PTPRK: variants seen among roughly 807,000 people sequenced by gnomAD.
The protein encoded by PTPRK is receptor-type tyrosine-protein phosphatase kappa.
PTPRK carries 75 observed loss-of-function variants against 178.0 expected under a neutral mutation model. The ratio of observed to expected loss-of-function variants is 0.42; its 90% CI spans 0.35 to 0.51. PTPRK has a LOEUF of 0.51. Ranked by LOEUF, PTPRK falls within the 20% of genes least tolerant of loss-of-function variation. The probability of loss-of-function intolerance (pLI) is 0.02; values close to 1 mark genes in which losing one functional copy is unlikely to be tolerated. For synonymous variants in PTPRK, 637 were observed against 620.6 expected, an observed-to-expected ratio of 1.03 and a Z score of -0.39; for missense variants, 1,441 against 1,797.8, an observed-to-expected ratio of 0.80 and a Z score of 3.59.
At chr6:128,104,048 A>C (rs9321111) in intron 7 of PTPRK, among the ~76,000 whole-genome samples, 16,805 of 152,158 alleles carry the variant, frequency 0.11, 2,331 homozygotes, top group East Asian at 0.36. Flanking sequence ...CTCTCTGCCT[A>C]GAATGTTATT....
At chr6:128,023,122 CA>C (rs1161932406) in intron 13 of PTPRK, among the ~76,000 whole-genome samples, 5 of 152,112 alleles carry the variant, frequency 3.3e-5, no homozygotes, top group Admixed American at 3.3e-4. Flanking sequence ...AGAGTCAAAC[CA>C]AAGGCTAAAA....
chr6:128,161,244 C>G (rs1447244948), intron 7 of PTPRK, among the ~76,000 whole-genome samples: 2 of 151,648 alleles, frequency 1.3e-5, no homozygotes, highest in African/African-American at 2.4e-5. Context: ...CTGTGGCTTT[C>G]TTGAATATAA....
At chr6:128,151,127 T>C (rs916881188) in intron 7 of PTPRK, among the ~76,000 whole-genome samples, 1 of 152,122 alleles carries the variant, frequency 6.6e-6, no homozygotes, top group Non-Finnish European at 1.5e-5. Context: ...CTTGAATTTC[T>C]AGATCTGTTG....
intron 1 of PTPRK, among the ~76,000 whole-genome samples, chr6:128,460,963 A>C (rs940475412): frequency 2.0e-5 from 3 of 152,218 alleles, no homozygotes; most frequent in African/African-American, 7.2e-5. Context: ...TATAAAAATA[A>C]TATTAACCTA....
At chr6:127,981,388 G>C in intron 24 of PTPRK, 99 bp from the exon 25 acceptor site, 1,428 of 939,744 alleles carry the variant, frequency 1.5e-3, no homozygotes, top group Non-Finnish European at 2.0e-3. Flanking sequence ...AGAAAGTGAA[G>C]GATTTGTGCG....
intron 1 of PTPRK, among the ~76,000 whole-genome samples, chr6:128,402,531 C>G (rs375569610): frequency 1.3e-5 from 2 of 152,120 alleles, no homozygotes; most frequent in Non-Finnish European, 2.9e-5. Flanking sequence ...GGATTACAGG[C>G]GTGAGCCACT....
intron 13 of PTPRK, chr6:128,063,331 A>C (rs979936920): frequency 6.6e-6 from 1 of 152,212 alleles, no homozygotes; most frequent in African/African-American, 2.4e-5. Context: ...TCATTTTTTT[A>C]AATTTGTATC....
intron 1 of PTPRK, among the ~76,000 whole-genome samples, chr6:128,450,141 A>C (rs922602905): frequency 6.6e-6 from 1 of 151,758 alleles, no homozygotes; most frequent in South Asian, 2.1e-4. Context: ...AAGAAGGAAA[A>C]GAAAAGAAAA....
intron 3 of PTPRK, among the ~76,000 whole-genome samples, chr6:128,263,175 G>A (rs1392994495): frequency 1.3e-5 from 2 of 152,140 alleles, no homozygotes; most frequent in African/African-American, 4.8e-5. Flanking sequence ...GAGGTGGCTG[G>A]CAACTGACTT....
chr6:128,079,002 T>C (rs1418128090), intron 10 of PTPRK, 84 bp from the exon 11 acceptor site: 5 of 842,454 alleles, frequency 5.9e-6, no homozygotes, highest in East Asian at 5.0e-5. Flanking sequence ...CAATCTTAAG[T>C]TAGGAAAAAA....
At chr6:128,255,926 G>A (rs946437475) in intron 3 of PTPRK, among the ~76,000 whole-genome samples, 1 of 152,296 alleles carries the variant, frequency 6.6e-6, no homozygotes, top group South Asian at 2.1e-4. Flanking sequence ...GAAAAAAACT[G>A]TAAGTAGATT....
chr6:128,098,897 C>T (rs1011880917), intron 7 of PTPRK, among the ~76,000 whole-genome samples: 2 of 151,724 alleles, frequency 1.3e-5, no homozygotes, highest in South Asian at 2.1e-4. Flanking sequence ...TTTTTGTCTT[C>T]GCTTGCTGTA....
chr6:127,979,939 G>A (rs1394267995), intron 25 of PTPRK, among the ~76,000 whole-genome samples: 1 of 152,160 alleles, frequency 6.6e-6, no homozygotes, highest in Non-Finnish European at 1.5e-5. Context: ...CTTTCCTTGG[G>A]AGGCCAAGGT....
intron 3 of PTPRK, among the ~76,000 whole-genome samples, chr6:128,298,058 G>A (rs1056679551): frequency 3.3e-5 from 5 of 151,658 alleles, no homozygotes; most frequent in African/African-American, 4.9e-5. Context: ...CCTCTTTATC[G>A]ATCCCACAGA....
At chr6:128,297,525 C>G (rs925746684) in intron 3 of PTPRK, among the ~76,000 whole-genome samples, 2 of 152,186 alleles carry the variant, frequency 1.3e-5, no homozygotes, top group Non-Finnish European at 1.5e-5. Context: ...AACAAACTGT[C>G]TCTCAGACCA....
chr6:128,452,865 T>C (rs1196391220), intron 1 of PTPRK, among the ~76,000 whole-genome samples: 2 of 152,136 alleles, frequency 1.3e-5, no homozygotes, highest in Non-Finnish European at 2.9e-5. Context: ...CTCCAACCTC[T>C]CTTAATTCCT....
At chr6:128,308,182 T>TA (rs1453822117) in intron 3 of PTPRK, among the ~76,000 whole-genome samples, 2 of 152,166 alleles carry the variant, frequency 1.3e-5, no homozygotes, top group East Asian at 3.9e-4. Flanking sequence ...ATACCATTTA[T>TA]AAAACATTTG....
intron 7 of PTPRK, among the ~76,000 whole-genome samples, chr6:128,109,264 T>C (rs1434092920): frequency 6.6e-6 from 1 of 152,130 alleles, no homozygotes; most frequent in Non-Finnish European, 1.5e-5. Flanking sequence ...AAATTAATTA[T>C]GATTTTCAAT....
intron 29 of PTPRK, 77 bp from the exon 30 acceptor site, chr6:127,970,357 C>T (rs1773767055): frequency 8.6e-7 from 1 of 1,160,482 alleles, no homozygotes; most frequent in East Asian, 2.5e-5. Flanking sequence ...CCAAATGAAA[C>T]TTGACAACCA....
Sources: allele counts gnomAD v4.1 joint callset (sites outside exome capture counted in the v4.1 genomes callset), GRCh38; gene constraint gnomAD v4.1.1; transcripts MANE v1.5; gene names NCBI Gene and HGNC (gene_info 2026-07-23, HGNC 2026-07-21).